MGLL: variants seen among roughly 807,000 people sequenced by gnomAD.
MGLL encodes the protein monoglyceride lipase.
A neutral mutation model predicts 29.1 loss-of-function variants in MGLL; 7 were observed. The observed-to-expected ratio is 0.24, with a 90% CI of 0.14 to 0.45. The LOEUF (loss-of-function observed/expected upper bound fraction) is 0.45. Ranked by LOEUF, MGLL falls within the 20% of genes least tolerant of loss-of-function variation. MGLL has a pLI of 0.99. For missense variants in MGLL, 356 were observed against 413.6 expected (o/e 0.86, Z 1.21); for synonymous variants, 148 against 168.3 (o/e 0.88, Z 0.93).
rs762698131 is a variant in MGLL, at chr3:127,695,188, G to C, written c.603C>G (p.Val201=). 2.5e-6 allele frequency: 4 copies of C among 1,613,534 alleles called. No individual in the cohort carries two copies. Among genetic ancestry groups the C allele is most frequent in the Admixed American group, 1.7e-5 (1 of 60,018 alleles). The part of the protein sequence containing the change: ...SSVLSRNKTE[V]DIYNSDPLIC... ...TCAGGGGGTCTGAGTTATAAATGTC[G>C]ACCTGGAGGAAGAAGGAGAGGGTTC... The change falls in exon 7 of 8, where the codon GTC becomes GTG. Residue 201 remains valine (V), a splice_region_variant and synonymous_variant. Transcript: ENST00000265052.
intron 3 of MGLL, among the ~76,000 whole-genome samples, chr3:127,750,157 G>A (rs112210355): frequency 0.022 from 3,374 of 152,234 alleles, 136 homozygotes; most frequent in African/African-American, 0.076. Flanking sequence ...CTAGACTGCG[G>A]GGGTGAGGGT....
rs772694503 is a variant in MGLL, at chr3:127,721,140, C to T, written c.423G>A (p.Thr141=). ...HSMGGAIAIL[T]AAERPGHFAG... is the part of the protein sequence containing the mutation. The stretch of plus-strand genomic sequence containing the variant: ...CGAAGTGGCCCGGCCTCTCTGCGGC[C>T]GTGAGGATGGCGATGGCGCCTCCCT... The change falls in exon 5 of 8, where the codon ACG becomes ACA. Residue 141 remains threonine, a synonymous_variant. Coordinates refer to ENST00000265052, the MANE Select transcript of MGLL (RefSeq NM_007283.7). The T allele has an allele frequency of 6.8e-6, 11 of 1,614,084 alleles. No homozygotes were observed. Among genetic ancestry groups the T allele is most frequent in the East Asian group, 4.5e-5 (2 of 44,892 alleles).
At chr3:127,760,971 G>A (rs1336684060) in intron 3 of MGLL, among the ~76,000 whole-genome samples, 6 of 152,174 alleles carry the variant, frequency 3.9e-5, no homozygotes, top group African/African-American at 1.2e-4. Context: ...CTGGGCAAGC[G>A]TTATTTGATT....
chr3:127,740,505 G>A (rs528339705), intron 3 of MGLL, among the ~76,000 whole-genome samples: 55 of 152,316 alleles, frequency 3.6e-4, no homozygotes, highest in African/African-American at 1.2e-3. Context: ...CCAGGTCGCC[G>A]TTTGCTGGCC....
chr3:127,798,107 C>T (rs1230864670), intron 2 of MGLL, among the ~76,000 whole-genome samples: 2 of 152,150 alleles, frequency 1.3e-5, no homozygotes, highest in African/African-American at 2.4e-5. Context: ...GGTGGAAACC[C>T]GATGTACCTA....
intron 6 of MGLL, among the ~76,000 whole-genome samples, chr3:127,704,446 G>C (rs1443612416): frequency 6.6e-6 from 1 of 152,166 alleles, no homozygotes; most frequent in Non-Finnish European, 1.5e-5. Context: ...ACTATCATTA[G>C]AGTGAACAGA....
intron 3 of MGLL, among the ~76,000 whole-genome samples, chr3:127,775,259 G>A (rs2077013822): frequency 6.6e-6 from 1 of 151,822 alleles, no homozygotes; most frequent in Non-Finnish European, 1.5e-5. Context: ...AGACTTAAAG[G>A]GCAACTCACT....
rs755574088 is a variant in MGLL, at chr3:127,781,947, G to A, written c.156-52C>T. On this transcript the variant is annotated intron_variant, in intron 2 of 7. Coordinates refer to ENST00000265052, the MANE Select transcript of MGLL (RefSeq NM_007283.7). Reference sequence around the variant, plus strand: ...TAGGAAAGCCCACACGGGGCTGGGCGCGGTGGCTCATGCCTACAATTCCAG... The same window carrying A: ...TAGGAAAGCCCACACGGGGCTGGGCACGGTGGCTCATGCCTACAATTCCAG... 35 of 1,559,200 alleles carry A rather than the reference G, an allele frequency of 2.2e-5. No homozygotes were observed. The African/African-American group carries it at 2.7e-4, about 12-fold the overall frequency.
At chr3:127,803,461 C>T (rs1007912233) in intron 2 of MGLL, among the ~76,000 whole-genome samples, 3 of 152,068 alleles carry the variant, frequency 2.0e-5, no homozygotes, top group Admixed American at 6.6e-5. Context: ...AAACCATGGC[C>T]GATGCTGGTG....
intron 2 of MGLL, among the ~76,000 whole-genome samples, chr3:127,819,914 C>T (rs998095989): frequency 3.9e-5 from 6 of 152,040 alleles, no homozygotes; most frequent in African/African-American, 1.2e-4. Context: ...CAAGGGGCCT[C>T]CAGGACCTCT....
chr3:127,763,198 TGCAGGCTG>T (rs143317937), intron 3 of MGLL, among the ~76,000 whole-genome samples: 3,304 of 152,240 alleles, frequency 0.022, 125 homozygotes, highest in East Asian at 0.17. Flanking sequence ...GCGGTGAGTG[TGCAGGCTG>T]CCCCAGCAGC....
At chr3:127,796,877 G>A (rs1185719843) in intron 2 of MGLL, among the ~76,000 whole-genome samples, 8 of 152,284 alleles carry the variant, frequency 5.3e-5, no homozygotes, top group Non-Finnish European at 8.8e-5. Context: ...TGAAACAGAC[G>A]GGGACGGAGA....
intron 2 of MGLL, among the ~76,000 whole-genome samples, chr3:127,814,733 G>A (rs1464944039): frequency 1.3e-5 from 2 of 152,192 alleles, no homozygotes; most frequent in East Asian, 1.9e-4. Context: ...TGCAAGAATA[G>A]CAGCTGGCCT....
At chr3:127,719,600 G>T (rs2075880341) in intron 5 of MGLL, among the ~76,000 whole-genome samples, 1 of 152,206 alleles carries the variant, frequency 6.6e-6, no homozygotes, top group African/African-American at 2.4e-5. Flanking sequence ...GAACGCCCCT[G>T]CTGCTGAGTC....
chr3:127,793,048 C>T (rs1027086018), intron 2 of MGLL, among the ~76,000 whole-genome samples: 9 of 152,230 alleles, frequency 5.9e-5, no homozygotes, highest in African/African-American at 2.2e-4. Flanking sequence ...TGTCAGCCTA[C>T]CTAAGTCTGA....
intron 3 of MGLL, among the ~76,000 whole-genome samples, chr3:127,730,450 C>T (rs2076128995): frequency 6.6e-6 from 1 of 152,244 alleles, no homozygotes; most frequent in Admixed American, 6.5e-5. Context: ...GCACACGTTC[C>T]TGCCCTGTGC....
chr3:127,725,105 G>A (rs192008579), intron 3 of MGLL, among the ~76,000 whole-genome samples: 3 of 151,778 alleles, frequency 2.0e-5, no homozygotes, highest in East Asian at 1.9e-4. Context: ...TGGAGGCTCC[G>A]TGCGACCCTC....
At chr3:127,699,837 G>T (rs1431184901) in intron 6 of MGLL, among the ~76,000 whole-genome samples, 1 of 152,194 alleles carries the variant, frequency 6.6e-6, no homozygotes, top group Non-Finnish European at 1.5e-5. Flanking sequence ...GGGCCCAGGG[G>T]TTACCGCCCT....
intron 3 of MGLL, among the ~76,000 whole-genome samples, chr3:127,773,277 G>C (rs932202520): frequency 6.6e-6 from 1 of 152,266 alleles, no homozygotes; most frequent in African/African-American, 2.4e-5. Context: ...TCTAGAGCCA[G>C]ACAGCTTGGG....
Sources: gnomAD v4.1 joint callset for allele counts (sites outside exome capture counted in the v4.1 genomes callset) on GRCh38, gnomAD v4.1.1 for gene constraint, MANE v1.5 for transcripts, NCBI Gene and HGNC (gene_info 2026-07-23, HGNC 2026-07-21) for gene names.